TJP3: variants seen among roughly 807,000 people sequenced by gnomAD.
TJP3 encodes tight junction protein ZO-3.
A neutral mutation model predicts 104.2 loss-of-function variants in TJP3; 85 were observed. The observed-to-expected ratio is 0.82, with a 90% CI of 0.68 to 0.98. The LOEUF (loss-of-function observed/expected upper bound fraction) is 0.98, where lower values mean the gene tolerates loss of function less well. TJP3 is among the 50% of genes least tolerant of loss of function. TJP3 has a pLI of 0.00. For synonymous variants in TJP3, 550 were observed against 550.6 expected (o/e 1.00, Z 0.02); for missense variants, 1,367 against 1,322.8 (o/e 1.03, Z -0.52).
chr19:3,714,530 A>G (rs1204619023), intron 1 of TJP3, among the ~76,000 whole-genome samples: 1 of 152,034 alleles, frequency 6.6e-6, no homozygotes, highest in Non-Finnish European at 1.5e-5. Context: ...ATGGGGCTGC[A>G]GAAGAACTGA....
chr19:3,736,247 A>C lies in TJP3; in HGVS notation c.1210A>C (p.Ile404Leu). Residue 404 changes from isoleucine to leucine, a missense_variant, in exon 11 of 21, where the codon ATC (isoleucine) becomes CTC (leucine). By Grantham distance (5) the Ile-to-Leu change is conservative. Transcript: ENST00000541714. Reference sequence around the variant, plus strand: ...GCTGGCAGGGGGCAATGACGTGGGCATCTTCGTGTCCGGGGTGCAGGCGGG... The same window carrying C: ...GCTGGCAGGGGGCAATGACGTGGGCCTCTTCGTGTCCGGGGTGCAGGCGGG... Reference protein sequence around the residue: ...LRLAGGNDVGIFVSGVQAGSP... With the variant: ...LRLAGGNDVGLFVSGVQAGSP... The C allele has an allele frequency of 6.4e-7, 1 of 1,571,536 alleles. No individual in the cohort carries two copies. The highest frequency in any genetic ancestry group is 8.6e-7 in the Non-Finnish European group (1 of 1,159,444).
chr19:3,721,767 G>C (rs1244944680), intron 1 of TJP3: 3 of 442,956 alleles, frequency 6.8e-6, no homozygotes, highest in African/African-American at 2.0e-5. Context: ...GAGGGAGGAG[G>C]ACGAGAGCCC....
rs201237410 is a variant in TJP3, at chr19:3,743,932, C to T, written c.1844-7C>T. On this transcript the variant is annotated splice_polypyrimidine_tract_variant and splice_region_variant and intron_variant, in intron 14 of 20. Transcript: ENST00000541714. The stretch of plus-strand genomic sequence containing the variant: ...CCTGATTCTTTCACTGTGTCTCTAC[C>T]CCTCAGCCAGTTTCAAGCGCCCGGT... The T allele has an allele frequency of 1.1e-3, 1,703 of 1,613,902 alleles. 2 individuals carry two copies. Among genetic ancestry groups the T allele is most frequent in the Non-Finnish European group, 1.3e-3 (1,567 of 1,179,844 alleles).
Position 3,718,467 on chromosome 19 carries a change from TG to T in TJP3, c.-10+9910del, listed in dbSNP as rs1462830952. On this transcript the variant is annotated intron_variant, in intron 1 of 20. Transcript: ENST00000541714. ...TTCTTTTCTTGCGGTTTTTTTTTTT[TG>T]GGGTGGTGGGGGGCGGGGTGGACAG... 9.8e-4 allele frequency among the ~76,000 whole-genome samples: 128 copies of T among 130,922 alleles called. 2 individuals are homozygous for T. Among genetic ancestry groups the T allele is most frequent in the South Asian group, 2.0e-3 (8 of 4,054 alleles). The allele number at this position is 130,922 out of a possible 152,430, so 85.9% of individuals were successfully genotyped here. A position where few individuals can be genotyped will look rare whatever the true frequency, so the allele number is the denominator to read the frequency against.
chr19:3,715,936 A>G lies in TJP3; in HGVS notation c.-10+7375A>G, dbSNP rs2036473010. On this transcript the variant is annotated intron_variant, in intron 1 of 20. Transcript: ENST00000541714. ...TGGGATTACAGGCACCCACCACCAC[A>G]CTCGGCTAATTTTTGTATTTTTAGT... Among the ~76,000 whole-genome samples the G allele has an allele frequency of 2.7e-5, 4 of 147,992 alleles. No individual in the cohort carries two copies. In the South Asian group the frequency reaches 8.7e-4, roughly 32 times the overall value.
At chr19:3,739,933 C>T (rs2036790236) in intron 13 of TJP3, among the ~76,000 whole-genome samples, 1 of 152,080 alleles carries the variant, frequency 6.6e-6, no homozygotes, top group Non-Finnish European at 1.5e-5. Context: ...TCAATAGCAT[C>T]AGTTTAATCC....
At position 3,746,650 on chromosome 19, in the gene TJP3, G is replaced by A. The variant is rs778180800; in HGVS notation, c.2176G>A (p.Ala726Thr). 6.2e-6 allele frequency: 10 copies of A among 1,613,102 alleles called. No individual in the cohort carries two copies. The highest frequency in any genetic ancestry group is 1.3e-5 in the African/African-American group (1 of 74,920). Reference protein sequence around the residue: ...ASRRSTRRLYAQAQKLRKHSS... With the variant: ...ASRRSTRRLYTQAQKLRKHSS... Reference sequence around the variant, plus strand: ...CCGCCGCAGCACCCGTCGCCTCTACGCACAAGCCCAGAAGCTGCGAAAACA... The same window carrying A: ...CCGCCGCAGCACCCGTCGCCTCTACACACAAGCCCAGAAGCTGCGAAAACA... The change falls in exon 17 of 21, where the codon GCA (alanine) becomes ACA (threonine). Residue 726 changes from alanine to threonine, a missense_variant. Transcript: ENST00000541714. This position sits in a 1 kb window ranked among gnomAD's most constrained non-coding sequence, Gnocchi z 4.1.
intron 1 of TJP3, among the ~76,000 whole-genome samples, chr19:3,718,031 C>T (rs1350207617): frequency 3.3e-5 from 5 of 151,420 alleles, no homozygotes; most frequent in African/African-American, 4.9e-5. Context: ...CTGGCTAACA[C>T]GGTGAAACCC....
chr19:3,719,824 C>T (rs59641871), intron 1 of TJP3, among the ~76,000 whole-genome samples: 2,826 of 151,844 alleles, frequency 0.019, 89 homozygotes, highest in African/African-American at 0.065. Flanking sequence ...ATTCTTGCTT[C>T]GGTCGGAAGT....
At chr19:3,721,560 C>G in intron 1 of TJP3, 1 of 208,702 alleles carries the variant, frequency 4.8e-6, no homozygotes, top group Non-Finnish European at 9.5e-6. Flanking sequence ...GGGCCGGGCT[C>G]TGGCCGCGGC....
chr19:3,722,326 T>C (rs1258954075), intron 1 of TJP3, among the ~76,000 whole-genome samples: 2 of 152,006 alleles, frequency 1.3e-5, no homozygotes, highest in African/African-American at 4.8e-5. Flanking sequence ...GCATCGTAGG[T>C]GGGCAGAAAA....
intron 7 of TJP3, 144 bp downstream of exon 7, chr19:3,734,056 A>G: frequency 8.6e-7 from 1 of 1,157,948 alleles, no homozygotes; most frequent in South Asian, 1.5e-5. Context: ...CCACACAGCA[A>G]GTCAAGAGTT....
At chr19:3,743,630 A>G in intron 14 of TJP3, 1 of 273,732 alleles carries the variant, frequency 3.7e-6, no homozygotes, top group East Asian at 7.8e-5. Flanking sequence ...AGCTAGGTTC[A>G]ACTGCTAAAA....
Position 3,730,802 on chromosome 19 carries a change from TC to T in TJP3, c.613+99del. The T allele has an allele frequency of 2.2e-6, 3 of 1,338,264 alleles. No homozygotes were observed. Among genetic ancestry groups the T allele is most frequent in the Non-Finnish European group, 3.0e-6 (3 of 1,001,350 alleles). The allele number at this position is 1,338,264 out of a possible 1,614,324, so 82.9% of individuals were successfully genotyped here. A position where few individuals can be genotyped will look rare whatever the true frequency, so the allele number is the denominator to read the frequency against. On this transcript the variant is annotated intron_variant, in intron 5 of 20. Coordinates refer to ENST00000541714, the MANE Select transcript of TJP3 (RefSeq NM_001267560.2). The surrounding 1 kb of genome is among the most constrained non-coding windows in gnomAD (Gnocchi z 7.3). ...TTCAAGTGATTCTCCTGCCTCAGCC[TC>T]CCTGGTGGCTGGGACTCCAGGCGCC... is the stretch of plus-strand genomic sequence containing the variant.
chr19:3,746,042 G>T lies in TJP3; in HGVS notation c.1971G>T (p.Lys657Asn), dbSNP rs768088870. The change falls in exon 16 of 21, where the codon AAG becomes AAT. Residue 657 changes from lysine (K) to asparagine (N), a missense_variant. Transcript: ENST00000541714. The surrounding 1 kb of genome is among the most constrained non-coding windows in gnomAD (Gnocchi z 4.1). Reference sequence around the variant, plus strand: ...TGTCCAGGACCGACAGCCCCTCCAAGATCATCAAACTAGACACCGTGCGGG... The same window carrying T: ...TGTCCAGGACCGACAGCCCCTCCAATATCATCAAACTAGACACCGTGCGGG... ...ETVSRTDSPS[K>N]IIKLDTVRVI... 3.7e-6 allele frequency: 6 copies of T among 1,609,886 alleles called. No individual in the cohort carries two copies. Among genetic ancestry groups the T allele is most frequent in the Admixed American group, 1.7e-5 (1 of 59,516 alleles).
intron 13 of TJP3, 70 bp from the exon 14 acceptor site, chr19:3,740,482 G>A (rs754466211): frequency 8.5e-6 from 9 of 1,063,694 alleles, no homozygotes; most frequent in Non-Finnish European, 9.9e-6. Context: ...CCGAGGGGTA[G>A]GACGAGGACG....
chr19:3,737,038 C>T (rs1272511106), intron 11 of TJP3, among the ~76,000 whole-genome samples: 1 of 151,634 alleles, frequency 6.6e-6, no homozygotes, highest in Non-Finnish European at 1.5e-5. Flanking sequence ...CGCCACCATG[C>T]CCAGCTAATT....
chr19:3,716,801 A>ATTTT lies in TJP3; in HGVS notation c.-10+8253_-10+8256dup, dbSNP rs1215459660. On this transcript the variant is annotated intron_variant, in intron 1 of 20. Coordinates refer to ENST00000541714, the MANE Select transcript of TJP3 (RefSeq NM_001267560.2). ...CATACATATATATATATATATATATATTTTTTTTTTTTTTTTGAAACAGAG... is the reference window on the plus strand; with the variant it reads ...CATACATATATATATATATATATATATTTTTTTTTTTTTTTTTTTTGAAACAGAG... Among the ~76,000 whole-genome samples, 306 of 81,910 alleles carry ATTTT rather than the reference A, an allele frequency of 3.7e-3. 7 individuals are homozygous for ATTTT. Among genetic ancestry groups the ATTTT allele is most frequent in the African/African-American group, 0.014 (291 of 20,402 alleles). 53.7% of individuals were successfully genotyped at this position (81,910 alleles called of 152,430 possible).
intron 6 of TJP3, among the ~76,000 whole-genome samples, chr19:3,732,753 C>A (rs898377706): frequency 6.6e-6 from 1 of 151,360 alleles, no homozygotes; most frequent in Non-Finnish European, 1.5e-5. Flanking sequence ...AGGTGATCCC[C>A]CCCGCTCGGC....
Sources: gnomAD v4.1 joint callset for allele counts (sites outside exome capture counted in the v4.1 genomes callset) on GRCh38, gnomAD v4.1.1 for gene constraint, Gnocchi (gnomAD v3.1) non-coding constraint, MANE v1.5 for transcripts, NCBI Gene and HGNC (gene_info 2026-07-23, HGNC 2026-07-21) for gene names.